Variants in CSGALNACT1 observed in about 807,000 individuals in gnomAD.
CSGALNACT1 encodes beta4GalNAcT-1.
In CSGALNACT1, 52 loss-of-function variants were observed where a neutral mutation model predicts 51.0. The ratio of observed to expected loss-of-function variants is 1.02; its 90% CI spans 0.82 to 1.29. CSGALNACT1 has a LOEUF of 1.29. Among genes scored for constraint, CSGALNACT1 ranks in the 50% most tolerant of loss-of-function variants. The pLI, the probability that CSGALNACT1 is intolerant of heterozygous loss-of-function variation, is 0.00. For synonymous variants in CSGALNACT1, 341 were observed against 254.4 expected (o/e 1.34, Z -3.24); for missense variants, 935 against 679.2 (o/e 1.38, Z -4.19).
At chr8:19,750,470 G>A (rs1010101777) in intron 1 of CSGALNACT1, among the ~76,000 whole-genome samples, 1 of 152,210 alleles carries the variant, frequency 6.6e-6, no homozygotes, top group African/African-American at 2.4e-5. Flanking sequence ...CAGATGAGAA[G>A]AAGAAAACGG....
At chr8:19,535,223 T>A (rs780389774) in intron 3 of CSGALNACT1, among the ~76,000 whole-genome samples, 58 of 152,296 alleles carry the variant, frequency 3.8e-4, no homozygotes, top group Middle Eastern at 3.4e-3. Flanking sequence ...AGAAATATTA[T>A]TTCCTATGTT....
At position 19,483,428 on chromosome 8, in the gene CSGALNACT1, T is replaced by C. The variant is rs147678431; in HGVS notation, c.634+21773A>G. 1.3e-3 allele frequency among the ~76,000 whole-genome samples: 197 copies of C among 152,330 alleles called. 2 individuals are homozygous for C. The highest frequency in any genetic ancestry group is 4.2e-3 in the African/African-American group (173 of 41,570). ...TCAATGCTCCAGCCAAAATGGATTT[T>C]AGCCTTATGAATTCACCAAGCTCTG... On this transcript the variant is annotated intron_variant, in intron 4 of 9. Transcript: ENST00000454498.
intron 1 of CSGALNACT1, among the ~76,000 whole-genome samples, chr8:19,652,641 A>G (rs893813751): frequency 2.0e-5 from 3 of 152,072 alleles, no homozygotes; most frequent in Admixed American, 6.5e-5. Flanking sequence ...CTCCTTCTCT[A>G]TCCACTGCTC....
chr8:19,610,826 C>G (rs146203541), intron 1 of CSGALNACT1, among the ~76,000 whole-genome samples: 2 of 152,358 alleles, frequency 1.3e-5, no homozygotes, highest in East Asian at 1.9e-4. Context: ...GCCCTCTGTC[C>G]TTGAGACAAG....
chr8:19,742,031 G>A (rs919189000), intron 1 of CSGALNACT1, among the ~76,000 whole-genome samples: 2 of 152,168 alleles, frequency 1.3e-5, no homozygotes, highest in African/African-American at 2.4e-5. Flanking sequence ...TCACTATAAA[G>A]AGAGGATAAT....
chr8:19,598,857 C>T (rs1198468545), intron 2 of CSGALNACT1, among the ~76,000 whole-genome samples: 1 of 152,178 alleles, frequency 6.6e-6, no homozygotes, highest in Non-Finnish European at 1.5e-5. Context: ...AGGTAGGAGA[C>T]ATCCCTTTAT....
intron 3 of CSGALNACT1, among the ~76,000 whole-genome samples, chr8:19,542,402 G>C (rs1379936666): frequency 6.6e-6 from 1 of 152,224 alleles, no homozygotes; most frequent in African/African-American, 2.4e-5. Flanking sequence ...AGCGGCAAAG[G>C]AATCATTAAA....
intron 1 of CSGALNACT1, among the ~76,000 whole-genome samples, chr8:19,615,227 C>T (rs1244877535): frequency 6.6e-6 from 1 of 152,118 alleles, no homozygotes; most frequent in Non-Finnish European, 1.5e-5. Flanking sequence ...CAGTTGAACC[C>T]GGGAGGCAGA....
upstream of CSGALNACT1, among the ~76,000 whole-genome samples, chr8:19,604,241 G>C (rs748422484): frequency 5.3e-5 from 8 of 152,162 alleles, no homozygotes; most frequent in Non-Finnish European, 8.8e-5. Context: ...AATTCCAGGA[G>C]GTGACCTGCA....
At position 19,524,004 on chromosome 8, in the gene CSGALNACT1, T is replaced by C. The variant is rs767778127; in HGVS notation, c.-296-17874A>G. 3.3e-5 allele frequency among the ~76,000 whole-genome samples: 5 copies of C among 152,144 alleles called. No homozygotes were observed. In the East Asian group the frequency reaches 9.6e-4, roughly 29 times the overall value. On this transcript the variant is annotated intron_variant, in intron 3 of 9. Transcript: ENST00000454498. ...CCCAAATCATCATGGATATAAAATA[T>C]GCAGCAGGGCCAGGCACAGTAGCTC... is the stretch of plus-strand genomic sequence containing the variant.
intron 3 of CSGALNACT1, among the ~76,000 whole-genome samples, chr8:19,523,795 G>C (rs143314890): frequency 2.6e-5 from 4 of 152,122 alleles, no homozygotes; most frequent in Non-Finnish European, 4.4e-5. Flanking sequence ...GGAGTGGCAA[G>C]GACAGTTCTA....
intron 1 of CSGALNACT1, chr8:19,678,860 C>T (rs555914339): frequency 1.8e-4 from 28 of 152,192 alleles, no homozygotes; most frequent in African/African-American, 6.7e-4. Flanking sequence ...GACCAGGAAG[C>T]CCTCATTATA....
At chr8:19,409,498 T>G (rs530747882) in intron 8 of CSGALNACT1, among the ~76,000 whole-genome samples, 20 of 110,992 alleles carry the variant, frequency 1.8e-4, no homozygotes, top group South Asian at 8.1e-4. Flanking sequence ...TATATATATA[T>G]ATAGAGAGAG....
At chr8:19,480,337 T>C (rs2071013726) in intron 4 of CSGALNACT1, among the ~76,000 whole-genome samples, 1 of 152,222 alleles carries the variant, frequency 6.6e-6, no homozygotes, top group Non-Finnish European at 1.5e-5. Flanking sequence ...ATCATTTAGC[T>C]ACCACTTATT....
intron 3 of CSGALNACT1, among the ~76,000 whole-genome samples, chr8:19,529,962 T>C (rs2082417928): frequency 6.6e-6 from 1 of 152,204 alleles, no homozygotes; most frequent in Non-Finnish European, 1.5e-5. Context: ...GGCTCACGCC[T>C]GTAATCCTAG....
At chr8:19,408,900 G>T (rs1258647571) in intron 8 of CSGALNACT1, among the ~76,000 whole-genome samples, 1 of 149,776 alleles carries the variant, frequency 6.7e-6, no homozygotes, top group African/African-American at 2.5e-5. Flanking sequence ...ACAAGGTCTT[G>T]TGATTTTTGG....
chr8:19,709,224 T>C (rs1024843757), intron 1 of CSGALNACT1, among the ~76,000 whole-genome samples: 22 of 152,288 alleles, frequency 1.4e-4, no homozygotes, highest in Non-Finnish European at 2.9e-5. Context: ...CTCCAGGTCT[T>C]AGAAAAAGGA....
At chr8:19,465,087 A>G (rs148926902) in intron 4 of CSGALNACT1, among the ~76,000 whole-genome samples, 20 of 152,346 alleles carry the variant, frequency 1.3e-4, no homozygotes, top group African/African-American at 4.6e-4. Context: ...AAAGATAAAA[A>G]CAACTCACAC....
intron 5 of CSGALNACT1, among the ~76,000 whole-genome samples, chr8:19,450,917 C>CA (rs112155859): frequency 2.0e-4 from 29 of 146,456 alleles, no homozygotes; most frequent in African/African-American, 3.8e-4. Flanking sequence ...ACCCTGTCTT[C>CA]AAAAAAAAAT....
Sources: allele counts gnomAD v4.1 joint callset (sites outside exome capture counted in the v4.1 genomes callset), GRCh38; gene constraint gnomAD v4.1.1; transcripts MANE v1.5; gene names NCBI Gene and HGNC (gene_info 2026-07-23, HGNC 2026-07-21).